Variants in EXOC4 observed in about 807,000 individuals in gnomAD.
EXOC4 encodes the protein SEC8-like 1.
A neutral mutation model predicts 107.2 loss-of-function variants in EXOC4; 71 were observed. The observed-to-expected ratio is 0.66, with a 90% CI of 0.55 to 0.81. EXOC4 has a LOEUF of 0.81. EXOC4 is among the 30% of genes least tolerant of loss of function. EXOC4 has a pLI of 0.00. For missense variants in EXOC4, 1,108 were observed against 1,189.6 expected (o/e 0.93, Z 1.01); for synonymous variants, 456 against 441.2 (o/e 1.03, Z -0.42).
At chr7:133,956,906 C>T (rs537129210) in intron 14 of EXOC4, among the ~76,000 whole-genome samples, 1 of 152,218 alleles carries the variant, frequency 6.6e-6, no homozygotes, top group Non-Finnish European at 1.5e-5. Flanking sequence ...TAATTAATCA[C>T]TTTGGCCTGT....
chr7:133,433,923 T>A (rs1463469995), intron 7 of EXOC4, among the ~76,000 whole-genome samples: 2 of 152,188 alleles, frequency 1.3e-5, no homozygotes, highest in African/African-American at 4.8e-5. Context: ...GGCTCCTTTT[T>A]TTGTTGTTGG....
At chr7:134,068,577 T>G (rs111705080), downstream of EXOC4, among the ~76,000 whole-genome samples, 31 of 152,216 alleles carry the variant, frequency 2.0e-4, no homozygotes, top group African/African-American at 7.5e-4. Context: ...AGTATGAAAA[T>G]GGACTAATAT....
chr7:133,260,259 G>A (rs1035588563), intron 1 of EXOC4, among the ~76,000 whole-genome samples: 4 of 149,916 alleles, frequency 2.7e-5, no homozygotes, highest in Non-Finnish European at 3.0e-5. Flanking sequence ...CATAGTGTAA[G>A]CCCTTTAACT....
intron 9 of EXOC4, among the ~76,000 whole-genome samples, chr7:133,611,197 G>A (rs1471133797): frequency 6.6e-6 from 1 of 152,094 alleles, no homozygotes; most frequent in African/African-American, 2.4e-5. Flanking sequence ...AGTGAAATAG[G>A]AATGAGAAGT....
chr7:133,518,292 C>A (rs1799917764), intron 9 of EXOC4, among the ~76,000 whole-genome samples: 1 of 151,436 alleles, frequency 6.6e-6, no homozygotes, highest in African/African-American at 2.4e-5. Flanking sequence ...CCCCCCACCC[C>A]CTTTTTTTTT....
At chr7:133,979,559 A>C (rs1031629178) in intron 14 of EXOC4, among the ~76,000 whole-genome samples, 3 of 152,124 alleles carry the variant, frequency 2.0e-5, no homozygotes. Flanking sequence ...AGGCCCAGGC[A>C]GGTGGATCAC....
At chr7:134,030,361 A>C (rs573077009) in intron 17 of EXOC4, among the ~76,000 whole-genome samples, 1 of 152,234 alleles carries the variant, frequency 6.6e-6, no homozygotes, top group Non-Finnish European at 1.5e-5. Flanking sequence ...GATAAACAAA[A>C]TGTGGTATAT....
chr7:134,011,619 G>A (rs987105195), intron 17 of EXOC4, among the ~76,000 whole-genome samples: 5 of 151,968 alleles, frequency 3.3e-5, no homozygotes, highest in Admixed American at 6.6e-5. Context: ...CAGATTCCTC[G>A]CCCGGTTATT....
At chr7:133,543,182 A>G (rs539180482) in intron 9 of EXOC4, among the ~76,000 whole-genome samples, 1 of 151,538 alleles carries the variant, frequency 6.6e-6, no homozygotes. Context: ...TTTTTTTGAT[A>G]TAATCCTCAC....
chr7:133,707,116 A>C (rs945523187), intron 10 of EXOC4, among the ~76,000 whole-genome samples: 1 of 151,960 alleles, frequency 6.6e-6, no homozygotes, highest in African/African-American at 2.4e-5. Flanking sequence ...TATAAAATTG[A>C]AGCTAAGACA....
chr7:133,681,454 A>G (rs1198037669), intron 10 of EXOC4, among the ~76,000 whole-genome samples: 1 of 152,178 alleles, frequency 6.6e-6, no homozygotes, highest in Non-Finnish European at 1.5e-5. Context: ...AAAATAGGAC[A>G]CCTTCTACTT....
chr7:133,844,193 G>A (rs1798075777), intron 11 of EXOC4, among the ~76,000 whole-genome samples: 2 of 151,944 alleles, frequency 1.3e-5, no homozygotes, highest in African/African-American at 4.8e-5. Context: ...AGTTAGGGAG[G>A]AGTCCCTCCT....
At chr7:133,477,516 C>T (rs1799047391) in intron 8 of EXOC4, among the ~76,000 whole-genome samples, 1 of 152,104 alleles carries the variant, frequency 6.6e-6, no homozygotes, top group Non-Finnish European at 1.5e-5. Context: ...AGTAACATTC[C>T]TTTGTGTGGA....
chr7:133,679,788 A>G (rs1794148644), intron 10 of EXOC4, among the ~76,000 whole-genome samples: 1 of 152,222 alleles, frequency 6.6e-6, no homozygotes, highest in Non-Finnish European at 1.5e-5. Flanking sequence ...ACACTGTAGA[A>G]TGTTAAAGCT....
intron 13 of EXOC4, among the ~76,000 whole-genome samples, chr7:133,921,648 T>C (rs1434502962): frequency 6.6e-6 from 1 of 152,164 alleles, no homozygotes; most frequent in South Asian, 2.1e-4. Context: ...GAATATGATA[T>C]GCCTAGGTGT....
chr7:134,015,068 G>GA (rs1428930587), intron 17 of EXOC4, among the ~76,000 whole-genome samples: 1 of 152,164 alleles, frequency 6.6e-6, no homozygotes, highest in Non-Finnish European at 1.5e-5. Flanking sequence ...GGGGACTGGA[G>GA]AAGATGTTCA....
intron 9 of EXOC4, among the ~76,000 whole-genome samples, chr7:133,493,277 C>G (rs1424175394): frequency 6.6e-6 from 1 of 151,984 alleles, no homozygotes; most frequent in Non-Finnish European, 1.5e-5. Flanking sequence ...ATACTGAACT[C>G]TACTAAAAAA....
rs144375629 is a variant in EXOC4 at position 133,998,599 on chromosome 7, T to C, written c.2348+966T>C. ...AGCTGGGTGGGGAGGACTGAAAGAATAAGGCACAGGAGACAGGCTGGAGCC... is the reference window on the plus strand; with the variant it reads ...AGCTGGGTGGGGAGGACTGAAAGAACAAGGCACAGGAGACAGGCTGGAGCC... On this transcript the variant is annotated intron_variant, in intron 15 of 17. Coordinates refer to ENST00000253861, the MANE Select transcript of EXOC4 (RefSeq NM_021807.4). 4.8e-3 allele frequency among the ~76,000 whole-genome samples: 727 copies of C among 152,050 alleles called. 4 individuals carry two copies. The highest frequency in any genetic ancestry group is 0.016 in the African/African-American group (668 of 41,466).
chr7:133,826,821 T>A (rs1797714118), intron 11 of EXOC4, among the ~76,000 whole-genome samples: 1 of 152,130 alleles, frequency 6.6e-6, no homozygotes, highest in Non-Finnish European at 1.5e-5. Flanking sequence ...CACAAAGATG[T>A]TTTAAATATA....
Sources: allele counts gnomAD v4.1 joint callset (sites outside exome capture counted in the v4.1 genomes callset), GRCh38; gene constraint gnomAD v4.1.1; transcripts MANE v1.5; gene names NCBI Gene and HGNC (gene_info 2026-07-23, HGNC 2026-07-21).